Variants in ADARB2 observed in about 807,000 individuals in gnomAD.
The protein encoded by ADARB2 is adenosine deaminase RNA specific B2 (inactive), also known as inactive double-stranded RNA-specific editase B2.
Under a neutral mutation model 62.2 loss-of-function variants are expected in ADARB2, and 25 were observed. The ratio of observed to expected loss-of-function variants is 0.40; its 90% CI spans 0.29 to 0.56. The LOEUF (loss-of-function observed/expected upper bound fraction) is 0.56, where lower values mean the gene tolerates loss of function less well. Ranked by LOEUF, ADARB2 falls within the 20% of genes least tolerant of loss-of-function variation. ADARB2 has a pLI of 0.43. For missense variants in ADARB2, 1,071 were observed against 1,077.4 expected (o/e 0.99, Z 0.08); for synonymous variants, 572 against 500.8 (o/e 1.14, Z -1.90).
intron 3 of ADARB2, among the ~76,000 whole-genome samples, chr10:1,331,282 T>G (rs1831925372): frequency 6.6e-6 from 1 of 152,216 alleles, no homozygotes; most frequent in East Asian, 1.9e-4. Flanking sequence ...AACATATATC[T>G]ACATAAAACC....
chr10:1,533,767 A>T (rs527755530), intron 1 of ADARB2, among the ~76,000 whole-genome samples: 6 of 152,164 alleles, frequency 3.9e-5, no homozygotes, highest in Non-Finnish European at 7.3e-5. Flanking sequence ...TCGGAGTAAC[A>T]TCAGCGTATG....
chr10:1,416,774 C>G (rs1425422352), intron 1 of ADARB2, among the ~76,000 whole-genome samples: 4 of 152,256 alleles, frequency 2.6e-5, no homozygotes, highest in Admixed American at 2.0e-4. Context: ...CCATGAGAGC[C>G]AGATCCCTGC....
At chr10:1,624,568 C>T (rs758881301) in intron 1 of ADARB2, among the ~76,000 whole-genome samples, 2 of 152,082 alleles carry the variant, frequency 1.3e-5, no homozygotes, top group Admixed American at 6.5e-5. Context: ...ACAAACTGAG[C>T]GAAACTCACG....
chr10:1,186,640 G>A (rs1564214281), intron 8 of ADARB2: 1 of 494,892 alleles, frequency 2.0e-6, no homozygotes, highest in Non-Finnish European at 4.0e-6. Flanking sequence ...CGGGGCCCCT[G>A]AGTTCTCGGG....
chr10:1,416,922 A>G (rs1832809246), intron 1 of ADARB2, among the ~76,000 whole-genome samples: 2 of 152,206 alleles, frequency 1.3e-5, no homozygotes, highest in South Asian at 4.1e-4. Flanking sequence ...TGGGTGCAGC[A>G]CGGGTCCCCC....
At chr10:1,196,788 C>T (rs1836917415) in intron 8 of ADARB2, among the ~76,000 whole-genome samples, 2 of 152,034 alleles carry the variant, frequency 1.3e-5, no homozygotes, top group Admixed American at 1.3e-4. Context: ...TTTCTGTAGA[C>T]ATGGGGTCTG....
At chr10:1,535,181 G>A (rs141850778) in intron 1 of ADARB2, among the ~76,000 whole-genome samples, 1 of 152,276 alleles carries the variant, frequency 6.6e-6, no homozygotes, top group Non-Finnish European at 1.5e-5. Context: ...CCACGGTCAC[G>A]CGTGTGCTGG....
intron 1 of ADARB2, among the ~76,000 whole-genome samples, chr10:1,415,543 A>G (rs1329885802): frequency 1.3e-5 from 2 of 152,162 alleles, no homozygotes; most frequent in Non-Finnish European, 2.9e-5. Context: ...ATTTGGGAAT[A>G]GGGTGACTCT....
intron 1 of ADARB2, among the ~76,000 whole-genome samples, chr10:1,642,371 G>A (rs1833988485): frequency 6.6e-6 from 1 of 152,268 alleles, no homozygotes; most frequent in Admixed American, 6.5e-5. Context: ...AAGGGATGCA[G>A]GCACTTCAGT....
chr10:1,540,535 AG>A (rs1832406745), intron 1 of ADARB2, among the ~76,000 whole-genome samples: 6 of 53,734 alleles, frequency 1.1e-4, no homozygotes, highest in African/African-American at 2.0e-4. Context: ...GACGTAGTTC[AG>A]ACCCTGGATC....
intron 1 of ADARB2, among the ~76,000 whole-genome samples, chr10:1,719,528 C>T (rs560103018): frequency 1.3e-5 from 2 of 152,198 alleles, no homozygotes; most frequent in East Asian, 1.9e-4. Context: ...CTAAAAGAAA[C>T]AAAACCAAAA....
chr10:1,514,207 TAAAATAACAAAA>T (rs1564313960), intron 1 of ADARB2, among the ~76,000 whole-genome samples: 47 of 47,848 alleles, frequency 9.8e-4, no homozygotes, highest in South Asian at 1.6e-3. Context: ...GTATATTATA[TAAAATAACAAAA>T]ATACATAAAT....
At chr10:1,565,925 C>G (rs562980268) in intron 1 of ADARB2, among the ~76,000 whole-genome samples, 1 of 152,216 alleles carries the variant, frequency 6.6e-6, no homozygotes, top group Non-Finnish European at 1.5e-5. Flanking sequence ...TCAGCCATCA[C>G]CGTCTCAGCT....
intron 1 of ADARB2, among the ~76,000 whole-genome samples, chr10:1,573,418 T>C (rs1225328899): frequency 1.3e-5 from 2 of 152,134 alleles, no homozygotes; most frequent in Non-Finnish European, 2.9e-5. Flanking sequence ...GGGGATGTGT[T>C]GAGTGTGGAG....
chr10:1,393,447 G>A (rs1832587068), intron 1 of ADARB2, among the ~76,000 whole-genome samples: 1 of 152,164 alleles, frequency 6.6e-6, no homozygotes, highest in Non-Finnish European at 1.5e-5. Context: ...TCAAAAACTA[G>A]GTCTTTTTCA....
At chr10:1,359,911 T>C (rs889724276) in intron 3 of ADARB2, among the ~76,000 whole-genome samples, 1 of 152,258 alleles carries the variant, frequency 6.6e-6, no homozygotes, top group Non-Finnish European at 1.5e-5. Flanking sequence ...CAGATGATTC[T>C]ATGCACCATC....
At position 1,182,990 on chromosome 10, in the gene ADARB2, G is replaced by A; in HGVS notation, c.*203C>T. The A allele has an allele frequency of 1.6e-6, 1 of 612,374 alleles. No individual in the cohort carries two copies. The highest frequency in any genetic ancestry group is 2.0e-5 in the South Asian group (1 of 48,856). 37.9% of individuals were successfully genotyped at this position (612,374 alleles called of 1,614,324 possible). A position where few individuals can be genotyped will look rare whatever the true frequency, so the allele number is the denominator to read the frequency against. ...AGTGCATGTGCCCCTGGGTGTGGGG[G>A]ACAGGGTTCTGGGGCCAGCGATCTG... On this transcript the variant is annotated 3_prime_UTR_variant, in exon 10 of 10. Transcript: ENST00000381312.
chr10:1,411,019 T>C (rs1216071509), intron 1 of ADARB2, among the ~76,000 whole-genome samples: 2 of 152,192 alleles, frequency 1.3e-5, no homozygotes, highest in East Asian at 3.9e-4. Context: ...GTCTGCTCCA[T>C]GCTGTGCTGG....
chr10:1,454,544 A>G (rs1831074752), intron 1 of ADARB2, among the ~76,000 whole-genome samples: 1 of 152,226 alleles, frequency 6.6e-6, no homozygotes, highest in African/African-American at 2.4e-5. Flanking sequence ...GATGAACCCT[A>G]GGGACCATCT....
Sources: gnomAD v4.1 joint callset for allele counts (sites outside exome capture counted in the v4.1 genomes callset) on GRCh38, gnomAD v4.1.1 for gene constraint, MANE v1.5 for transcripts, NCBI Gene and HGNC (gene_info 2026-07-23, HGNC 2026-07-21) for gene names.